MOSMO: variants seen among roughly 807,000 people sequenced by gnomAD.
MOSMO encodes modulator of smoothened protein.
In MOSMO, 5 loss-of-function variants were observed where a neutral mutation model predicts 18.4. That is an observed-to-expected ratio of 0.27 (90% CI 0.14 to 0.57). The LOEUF is 0.57. Ranked by LOEUF, MOSMO falls within the 20% of genes least tolerant of loss-of-function variation. The pLI is 0.92. For missense variants in MOSMO, 138 were observed against 211.8 expected, an observed-to-expected ratio of 0.65 and a Z score of 2.16; for synonymous variants, 82 against 82.3, an observed-to-expected ratio of 1.00 and a Z score of 0.02.
At chr16:22,041,653 CTTCT>C (rs1233658275) in intron 1 of MOSMO, among the ~76,000 whole-genome samples, 1 of 151,816 alleles carries the variant, frequency 6.6e-6, no homozygotes, top group Admixed American at 6.6e-5. Context: ...AGAAGTTCAT[CTTCT>C]TTATTTTTTA....
In MOSMO at chr16:22,008,173, C is replaced by A; in HGVS notation, c.-129C>A. 4.6e-6 allele frequency: 1 copy of A among 217,188 alleles called. No individual in the cohort carries two copies. The highest frequency in any genetic ancestry group is 7.8e-6 in the Non-Finnish European group (1 of 127,956). 13.5% of individuals were successfully genotyped at this position (217,188 alleles called of 1,614,324 possible). On this transcript the variant is annotated 5_prime_UTR_variant, in exon 1 of 3. Transcript: ENST00000542527. The stretch of plus-strand genomic sequence containing the variant: ...CCGGGCGCGCGGAGGGCGCGAGCGG[C>A]GCGCGGGGGCCGAGGGGGCGCGAGG...
chr16:22,079,711 A>T (rs569451950), intron 2 of MOSMO, among the ~76,000 whole-genome samples: 3 of 152,350 alleles, frequency 2.0e-5, no homozygotes, highest in Non-Finnish European at 4.4e-5. Context: ...ATGATAAGAG[A>T]TAACCACTGT....
intron 1 of MOSMO, among the ~76,000 whole-genome samples, chr16:22,041,944 G>A (rs373413499): frequency 3.0e-4 from 46 of 152,074 alleles, no homozygotes; most frequent in African/African-American, 9.9e-4. Flanking sequence ...TCTTGACTTC[G>A]CTAAGTGCTA....
chr16:22,052,106 T>G (rs1219755641), intron 1 of MOSMO, among the ~76,000 whole-genome samples: 1 of 152,210 alleles, frequency 6.6e-6, no homozygotes, highest in South Asian at 2.1e-4. Flanking sequence ...TAGTTTCATG[T>G]GTGAAATGAA....
chr16:22,069,644 A>T (rs1335540362), intron 1 of MOSMO, among the ~76,000 whole-genome samples: 2 of 152,186 alleles, frequency 1.3e-5, no homozygotes, highest in African/African-American at 4.8e-5. Flanking sequence ...CATCCATTAG[A>T]GTTGGTGTTA....
At chr16:22,046,945 G>A (rs1368997338) in intron 1 of MOSMO, among the ~76,000 whole-genome samples, 3 of 152,132 alleles carry the variant, frequency 2.0e-5, no homozygotes, top group South Asian at 2.1e-4. Flanking sequence ...AATGAGGATC[G>A]ACTATATATA....
intron 1 of MOSMO, among the ~76,000 whole-genome samples, chr16:22,063,606 GTTTC>G (rs1900693449): frequency 1.3e-5 from 2 of 152,300 alleles, no homozygotes; most frequent in East Asian, 3.9e-4. Context: ...ATATTGGGAT[GTTTC>G]TTTAAGGAGA....
chr16:22,092,346 C>G, downstream of MOSMO: 1 of 355,794 alleles, frequency 2.8e-6, no homozygotes, highest in Non-Finnish European at 5.4e-6. Flanking sequence ...GAAAAGAGGT[C>G]TAAATCCTGC....
At chr16:22,056,365 C>CTTTTTTTTTTTTTT (rs35642716) in intron 1 of MOSMO, among the ~76,000 whole-genome samples, 4 of 54,608 alleles carry the variant, frequency 7.3e-5, no homozygotes, top group Admixed American at 2.9e-4. Flanking sequence ...TTCTTTCTTT[C>CTTTTTTTTTTTTTT]TTTTTTTTTT....
At chr16:22,078,949 T>C (rs2141785098) in intron 2 of MOSMO, among the ~76,000 whole-genome samples, 1 of 152,354 alleles carries the variant, frequency 6.6e-6, no homozygotes, top group South Asian at 2.1e-4. Context: ...TTTGCTTATG[T>C]AATATTATTT....
At chr16:22,012,545 T>C (rs1439150452) in intron 1 of MOSMO, among the ~76,000 whole-genome samples, 1 of 152,160 alleles carries the variant, frequency 6.6e-6, no homozygotes, top group Admixed American at 6.5e-5. Context: ...TGAGAAATGA[T>C]GTTTTTCTCT....
intron 1 of MOSMO, among the ~76,000 whole-genome samples, chr16:22,035,939 A>G (rs952359359): frequency 6.6e-6 from 1 of 152,108 alleles, no homozygotes; most frequent in African/African-American, 2.4e-5. Context: ...TCTCACTGCT[A>G]GTGTATAGGA....
intron 1 of MOSMO, among the ~76,000 whole-genome samples, chr16:22,042,056 CAGG>C (rs1389789930): frequency 6.6e-6 from 1 of 152,034 alleles, no homozygotes; most frequent in African/African-American, 2.4e-5. Context: ...ACTGAGTTTC[CAGG>C]AGATTTTTCA....
intron 1 of MOSMO, among the ~76,000 whole-genome samples, chr16:22,048,600 A>C (rs1017406689): frequency 6.6e-6 from 1 of 152,052 alleles, no homozygotes; most frequent in African/African-American, 2.4e-5. Context: ...TGAGGTTTTA[A>C]ATTTTTTCTT....
rs1901099054 is a variant in MOSMO, at chr16:22,082,365, T to A, written c.*1485T>A. The stretch of plus-strand genomic sequence containing the variant: ...AAATACAGTATTTCTCTTCTCCACA[T>A]CTCCATGCCTTCGCATCAATGCTTG... On this transcript the variant is annotated 3_prime_UTR_variant, in exon 3 of 3. Transcript: ENST00000542527. 6.6e-6 allele frequency: 1 copy of A among 152,190 alleles called. No homozygotes were observed. Among genetic ancestry groups the A allele is most frequent in the Admixed American group, 6.5e-5 (1 of 15,282 alleles). 9.4% of individuals were successfully genotyped at this position (152,190 alleles called of 1,614,324 possible).
At chr16:22,013,309 C>T (rs564134914) in intron 1 of MOSMO, among the ~76,000 whole-genome samples, 1 of 152,262 alleles carries the variant, frequency 6.6e-6, no homozygotes, top group African/African-American at 2.4e-5. Flanking sequence ...GAAAATTCTT[C>T]ACTGAAGTAT....
At chr16:22,009,930 G>A (rs1445675967) in intron 1 of MOSMO, among the ~76,000 whole-genome samples, 11 of 151,256 alleles carry the variant, frequency 7.3e-5, no homozygotes, top group Admixed American at 6.6e-4. Flanking sequence ...GGCAGAGGTT[G>A]CAGTGAGCTG....
intron 1 of MOSMO, among the ~76,000 whole-genome samples, chr16:22,036,095 G>A (rs1480312280): frequency 1.3e-5 from 2 of 152,068 alleles, no homozygotes; most frequent in Non-Finnish European, 2.9e-5. Flanking sequence ...TGGAAAAGTA[G>A]AAATCCTTGT....
At position 22,079,180 on chromosome 16, in the gene MOSMO, A is replaced by G. The variant is rs544077957; in HGVS notation, c.320-1516A>G. ...TTTTGTTGATTGGTTAACACACAAA[A>G]AAATGTAGAGACGAGTGTCAGCTGA... On this transcript the variant is annotated intron_variant, in intron 2 of 2. Transcript: ENST00000542527. 1.3e-4 allele frequency among the ~76,000 whole-genome samples: 20 copies of G among 152,312 alleles called. No individual in the cohort carries two copies. The South Asian group carries it at 4.1e-3, about 32-fold the overall frequency.
Sources: gnomAD v4.1 joint callset for allele counts (sites outside exome capture counted in the v4.1 genomes callset) on GRCh38, gnomAD v4.1.1 for gene constraint, MANE v1.5 for transcripts, NCBI Gene and HGNC (gene_info 2026-07-23, HGNC 2026-07-21) for gene names.